Variants in EEA1 observed in about 807,000 individuals in gnomAD.
EEA1 encodes early endosome antigen 1.
EEA1 carries 111 observed loss-of-function variants against 209.2 expected under a neutral mutation model. The observed-to-expected ratio is 0.53, with a 90% confidence interval of 0.45 to 0.62. The LOEUF (loss-of-function observed/expected upper bound fraction) is 0.62. Ranked by LOEUF, EEA1 falls within the 20% of genes least tolerant of loss-of-function variation. The probability of loss-of-function intolerance (pLI) is 0.00; values close to 1 mark genes in which losing one functional copy is unlikely to be tolerated. For synonymous variants in EEA1, 536 were observed against 540.6 expected, an observed-to-expected ratio of 0.99 and a Z score of 0.12; for missense variants, 1,343 against 1,530.8, an observed-to-expected ratio of 0.88 and a Z score of 2.05.
Position 92,918,961 on chromosome 12 carries a change from C to T in EEA1, c.24+10082G>A, listed in dbSNP as rs1364599576. On this transcript the variant is annotated intron_variant, in intron 1 of 28. Coordinates refer to ENST00000322349, the MANE Select transcript of EEA1 (RefSeq NM_003566.4). ...TACAAACTACCATCAGAGAATACTA[C>T]AAACACCTCTACGCAAATAAACTAG... is the stretch of plus-strand genomic sequence containing the variant. Among the ~76,000 whole-genome samples the T allele has an allele frequency of 5.2e-5, 7 of 133,754 alleles. 1 individual carries two copies. Among genetic ancestry groups the T allele is most frequent in the Non-Finnish European group, 4.9e-5 (3 of 61,052 alleles). The allele number at this position is 133,754 out of a possible 152,430, so 87.7% of individuals were successfully genotyped here. A position where few individuals can be genotyped will look rare whatever the true frequency, so the allele number is the denominator to read the frequency against.
chr12:92,777,699 GAA>G (rs746096149), intron 26 of EEA1, 36 bp from the exon 27 acceptor site: 78 of 1,592,168 alleles, frequency 4.9e-5, no homozygotes, highest in Non-Finnish European at 6.5e-5. Flanking sequence ...TAATTTTTTA[GAA>G]AATCATTTAA....
At chr12:92,814,632 T>A (rs1036683643) in intron 15 of EEA1, among the ~76,000 whole-genome samples, 2 of 152,156 alleles carry the variant, frequency 1.3e-5, no homozygotes, top group African/African-American at 4.8e-5. Context: ...GCTATTCATA[T>A]AGCCAGCCCC....
At chr12:92,904,150 G>T (rs2454392) in intron 1 of EEA1, among the ~76,000 whole-genome samples, 2 of 151,896 alleles carry the variant, frequency 1.3e-5, no homozygotes, top group African/African-American at 4.8e-5. Context: ...TAGTAGAGAC[G>T]GGGTTTCTCC....
Position 92,849,338 on chromosome 12 carries a change from T to C in EEA1, c.798+1773A>G, listed in dbSNP as rs1877514574. 4.6e-5 allele frequency among the ~76,000 whole-genome samples: 7 copies of C among 152,176 alleles called. No homozygotes were observed. In the South Asian group the frequency reaches 1.4e-3, roughly 31 times the overall value. ...GTTCTTACTGATACAAAGAAATAAA[T>C]GACTGGGTTCACCCTGGTTTAGGTA... is the stretch of plus-strand genomic sequence containing the variant. On this transcript the variant is annotated intron_variant, in intron 9 of 28. Coordinates refer to ENST00000322349, the MANE Select transcript of EEA1 (RefSeq NM_003566.4).
chr12:92,908,239 C>T (rs1199221836), intron 1 of EEA1, among the ~76,000 whole-genome samples: 3 of 152,048 alleles, frequency 2.0e-5, no homozygotes, highest in African/African-American at 4.8e-5. Flanking sequence ...GGATCACTAT[C>T]GTATAATTCC....
intron 9 of EEA1, among the ~76,000 whole-genome samples, chr12:92,849,863 A>C (rs1877538580): frequency 6.6e-6 from 1 of 152,342 alleles, no homozygotes; most frequent in South Asian, 2.1e-4. Context: ...ACAACTTTTT[A>C]AACTGAAAAT....
intron 2 of EEA1, chr12:92,883,811 T>G: frequency 6.3e-7 from 1 of 1,589,682 alleles, no homozygotes; most frequent in Non-Finnish European, 8.6e-7. Context: ...CCCGAACAGC[T>G]GAGGAAGCTC....
intron 22 of EEA1, among the ~76,000 whole-genome samples, chr12:92,786,713 G>A (rs1874149930): frequency 6.6e-6 from 1 of 152,020 alleles, no homozygotes; most frequent in Admixed American, 6.6e-5. Context: ...TCTATCCCAG[G>A]TCCAATCCAA....
chr12:92,921,866 CAAAA>C (rs756583756), intron 1 of EEA1, among the ~76,000 whole-genome samples: 2 of 83,446 alleles, frequency 2.4e-5, no homozygotes, highest in African/African-American at 9.5e-5. Flanking sequence ...GACTCTGTCT[CAAAA>C]AAAAAAAAAA....
intron 20 of EEA1, 77 bp downstream of exon 20, chr12:92,801,523 T>C (rs1409326495): frequency 4.2e-6 from 4 of 961,760 alleles, no homozygotes; most frequent in Non-Finnish European, 4.4e-6. Context: ...AGAACAAACA[T>C]GCTTTATATA....
At chr12:92,896,430 G>C (rs1879889765) in intron 1 of EEA1, among the ~76,000 whole-genome samples, 1 of 152,180 alleles carries the variant, frequency 6.6e-6, no homozygotes, top group Non-Finnish European at 1.5e-5. Context: ...CATAAATTTA[G>C]TTGATAAAGC....
chr12:92,903,691 T>C (rs2136768492), intron 1 of EEA1, among the ~76,000 whole-genome samples: 1 of 152,226 alleles, frequency 6.6e-6, no homozygotes, highest in East Asian at 1.9e-4. Context: ...GAAAAGAATG[T>C]ATATGATATA....
chr12:92,799,178 A>G (rs949834251), intron 20 of EEA1, 92 bp from the exon 21 acceptor site: 3 of 1,137,098 alleles, frequency 2.6e-6, no homozygotes, highest in Admixed American at 3.3e-5. Flanking sequence ...TTTAGCCTTC[A>G]TTTGTTCATT....
At chr12:92,876,972 C>A (rs1017807544) in intron 2 of EEA1, among the ~76,000 whole-genome samples, 15 of 147,694 alleles carry the variant, frequency 1.0e-4, no homozygotes, top group African/African-American at 3.7e-4. Flanking sequence ...GAGACAGAGT[C>A]TTGCTTTATC....
chr12:92,863,960 T>C (rs952142589), intron 3 of EEA1, among the ~76,000 whole-genome samples: 1 of 152,232 alleles, frequency 6.6e-6, no homozygotes, highest in African/African-American at 2.4e-5. Flanking sequence ...TTTAACTACA[T>C]GTTTTTAATG....
chr12:92,822,790 C>T (rs540642129), intron 13 of EEA1, among the ~76,000 whole-genome samples: 26 of 152,270 alleles, frequency 1.7e-4, no homozygotes, highest in South Asian at 6.2e-4. Flanking sequence ...ATATATAGCA[C>T]GATTCCCTCC....
At chr12:92,912,164 A>C (rs1880604157) in intron 1 of EEA1, among the ~76,000 whole-genome samples, 1 of 152,230 alleles carries the variant, frequency 6.6e-6, no homozygotes, top group African/African-American at 2.4e-5. Flanking sequence ...AAGTCTTTCC[A>C]TCCTTTAAAC....
rs149763382 is a variant in EEA1 at position 92,862,587 on chromosome 12, A to G, written c.245+2273T>C. 6.4e-3 allele frequency among the ~76,000 whole-genome samples: 945 copies of G among 147,904 alleles called. 19 individuals carry two copies. The highest frequency in any genetic ancestry group is 0.022 in the African/African-American group (901 of 40,650). On this transcript the variant is annotated intron_variant, in intron 3 of 28. Coordinates refer to ENST00000322349, the MANE Select transcript of EEA1 (RefSeq NM_003566.4). The stretch of plus-strand genomic sequence containing the variant: ...GAAAACAGAGCAAGATCCTATCTCT[A>G]AAAAAAAAAGAAAAAAGAATATTAT...
At chr12:92,851,063 C>T in intron 9 of EEA1, 48 bp downstream of exon 9, 1 of 1,588,760 alleles carries the variant, frequency 6.3e-7, no homozygotes. Flanking sequence ...ATAGTATACA[C>T]TACACAAGCT....
Sources: gnomAD v4.1 joint callset for allele counts (sites outside exome capture counted in the v4.1 genomes callset) on GRCh38, gnomAD v4.1.1 for gene constraint, MANE v1.5 for transcripts, NCBI Gene and HGNC (gene_info 2026-07-23, HGNC 2026-07-21) for gene names.